CLDN10: variants seen among roughly 807,000 people sequenced by gnomAD.
The protein encoded by CLDN10 is claudin-10.
Under a neutral mutation model 22.9 loss-of-function variants are expected in CLDN10, and 15 were observed. The observed-to-expected ratio is 0.65, with a 90% CI of 0.44 to 1.01. The LOEUF (loss-of-function observed/expected upper bound fraction) is 1.01. CLDN10 is among the 50% of genes least tolerant of loss of function. The pLI is 0.00. For missense variants in CLDN10, 247 were observed against 287.8 expected, an observed-to-expected ratio of 0.86 and a Z score of 1.03; for synonymous variants, 114 against 111.4, an observed-to-expected ratio of 1.02 and a Z score of -0.15.
chr13:95,545,789 C>T (rs780896130), intron 1 of CLDN10, among the ~76,000 whole-genome samples: 3 of 152,176 alleles, frequency 2.0e-5, no homozygotes, highest in African/African-American at 4.8e-5. Context: ...ATGATACTCA[C>T]TGCAGAACGT....
intron 1 of CLDN10, among the ~76,000 whole-genome samples, chr13:95,442,909 T>G (rs1449856541): frequency 6.6e-6 from 1 of 152,250 alleles, no homozygotes; most frequent in East Asian, 1.9e-4. Context: ...CTTTACATCA[T>G]GAGCAGCTGT....
At chr13:95,551,398 T>A (rs984120413), upstream of CLDN10, among the ~76,000 whole-genome samples, 44 of 152,214 alleles carry the variant, frequency 2.9e-4, no homozygotes, top group African/African-American at 9.9e-4. Flanking sequence ...AACATTGTTT[T>A]GAGTGTGGAG....
intron 3 of CLDN10, chr13:95,560,995 A>C (rs984628212): frequency 6.5e-6 from 1 of 153,110 alleles, no homozygotes; most frequent in Non-Finnish European, 1.5e-5. Flanking sequence ...CCTTTACCCA[A>C]ATGTGGCTGG....
intron 1 of CLDN10, among the ~76,000 whole-genome samples, chr13:95,517,953 A>AAG (rs796410434): frequency 0.019 from 2,425 of 126,720 alleles, 162 homozygotes; most frequent in Middle Eastern, 0.037. Flanking sequence ...AAAAAAAAAA[A>AAG]AGAGAGATTG....
intron 1 of CLDN10, among the ~76,000 whole-genome samples, chr13:95,554,764 A>G (rs1223657747): frequency 6.6e-6 from 1 of 152,236 alleles, no homozygotes; most frequent in African/African-American, 2.4e-5. Flanking sequence ...TGCATGGTAT[A>G]TTCATTAGAC....
intron 1 of CLDN10, among the ~76,000 whole-genome samples, chr13:95,498,043 G>T (rs191519135): frequency 6.6e-6 from 1 of 152,184 alleles, no homozygotes; most frequent in African/African-American, 2.4e-5. Flanking sequence ...TTAATTTCTA[G>T]ATGTAATAAA....
intron 1 of CLDN10, among the ~76,000 whole-genome samples, chr13:95,531,118 C>T (rs1019673025): frequency 8.6e-5 from 13 of 151,978 alleles, no homozygotes; most frequent in African/African-American, 3.1e-4. Context: ...CGGGGTTTCA[C>T]CATGTTAGCC....
chr13:95,539,713 C>CT (rs577818824), intron 1 of CLDN10, among the ~76,000 whole-genome samples: 12 of 152,024 alleles, frequency 7.9e-5, no homozygotes, highest in South Asian at 2.1e-4. Context: ...TTACATATTC[C>CT]TTTTTTTTAG....
At chr13:95,519,827 C>A (rs190555479) in intron 1 of CLDN10, among the ~76,000 whole-genome samples, 1 of 152,062 alleles carries the variant, frequency 6.6e-6, no homozygotes, top group East Asian at 1.9e-4. Flanking sequence ...ATCTCTGGGT[C>A]TAGGTAAAGA....
intron 1 of CLDN10, among the ~76,000 whole-genome samples, chr13:95,459,981 C>T (rs111804890): frequency 0.02 from 3,015 of 152,302 alleles, 53 homozygotes; most frequent in Middle Eastern, 0.048. Context: ...TTAGAAATTT[C>T]TTCTGCCAGA....
rs908616434 is a variant in CLDN10, at chr13:95,493,045, G to T, written c.214+58998G>T. The stretch of plus-strand genomic sequence containing the variant: ...GGGGTGTCTCCTGTGTCCTGCAGGG[G>T]CAGTCCGCTTCCTTCAGAGGGTCTG... On this transcript the variant is annotated intron_variant, in intron 1 of 4. Transcript: ENST00000376873. Among the ~76,000 whole-genome samples, 5 of 152,136 alleles carry T rather than the reference G, an allele frequency of 3.3e-5. No individual in the cohort carries two copies. In the East Asian group the frequency reaches 9.7e-4, roughly 29 times the overall value.
chr13:95,463,109 A>G (rs1205149923), intron 1 of CLDN10, among the ~76,000 whole-genome samples: 2 of 151,494 alleles, frequency 1.3e-5, no homozygotes, highest in Admixed American at 1.3e-4. Context: ...TCTCTATAAT[A>G]ATATCCTTAA....
intron 1 of CLDN10, among the ~76,000 whole-genome samples, chr13:95,440,712 A>G (rs1168317806): frequency 2.0e-5 from 3 of 152,206 alleles, no homozygotes; most frequent in African/African-American, 7.2e-5. Context: ...ATAATATTAT[A>G]TGTGTACTGA....
chr13:95,487,077 C>T (rs1190612699), intron 1 of CLDN10, among the ~76,000 whole-genome samples: 1 of 152,178 alleles, frequency 6.6e-6, no homozygotes, highest in African/African-American at 2.4e-5. Context: ...TAACCTACAC[C>T]TATGGGTGTT....
At position 95,453,980 on chromosome 13, in the gene CLDN10, A is replaced by G. The variant is rs538849836; in HGVS notation, c.214+19933A>G. 2.6e-5 allele frequency among the ~76,000 whole-genome samples: 4 copies of G among 152,096 alleles called. No individual in the cohort carries two copies. The East Asian group carries it at 7.8e-4, about 30-fold the overall frequency. ...GCTGGCTTCTGACAGCCCTGAATCTACCTTCTCTCTTTCTTACCCTCCAAG... is the reference window on the plus strand; with the variant it reads ...GCTGGCTTCTGACAGCCCTGAATCTGCCTTCTCTCTTTCTTACCCTCCAAG... On this transcript the variant is annotated intron_variant, in intron 1 of 4. Transcript: ENST00000376873.
intron 1 of CLDN10, among the ~76,000 whole-genome samples, chr13:95,435,843 A>G (rs538015345): frequency 2.0e-5 from 3 of 151,618 alleles, no homozygotes; most frequent in Non-Finnish European, 4.4e-5. Context: ...ATTTTTTGAG[A>G]TGGGGTTTCT....
intron 1 of CLDN10, among the ~76,000 whole-genome samples, chr13:95,553,562 A>C (rs1454713633): frequency 6.6e-6 from 1 of 152,232 alleles, no homozygotes; most frequent in East Asian, 1.9e-4. Context: ...AGCTTCTACA[A>C]ACTTGTCTGC....
At chr13:95,470,402 C>G (rs2042618397) in intron 1 of CLDN10, among the ~76,000 whole-genome samples, 1 of 152,158 alleles carries the variant, frequency 6.6e-6, no homozygotes, top group Non-Finnish European at 1.5e-5. Context: ...TGCGCACCAT[C>G]ATGGCTGGCT....
upstream of CLDN10, among the ~76,000 whole-genome samples, chr13:95,552,168 G>A (rs1170626837): frequency 6.6e-6 from 1 of 152,232 alleles, no homozygotes; most frequent in Non-Finnish European, 1.5e-5. Context: ...GGGCAAGGCC[G>A]GTTTCCAGCC....
Sources: allele counts gnomAD v4.1 joint callset (sites outside exome capture counted in the v4.1 genomes callset), GRCh38; gene constraint gnomAD v4.1.1; transcripts MANE v1.5; gene names NCBI Gene and HGNC (gene_info 2026-07-23, HGNC 2026-07-21).